NUDCD3: variants seen among roughly 807,000 people sequenced by gnomAD.
The protein encoded by NUDCD3 is nudC domain-containing protein 3.
A neutral mutation model predicts 39.7 loss-of-function variants in NUDCD3; 13 were observed. The ratio of observed to expected loss-of-function variants is 0.33; its 90% confidence interval spans 0.21 to 0.52. The LOEUF (loss-of-function observed/expected upper bound fraction) is 0.52. NUDCD3 is among the 20% of genes least tolerant of loss of function. The pLI is 0.96. For missense variants in NUDCD3, 453 were observed against 458.1 expected (o/e 0.99, Z 0.10); for synonymous variants, 175 against 172.4 (o/e 1.02, Z -0.12).
chr7:44,463,730 T>A (rs574609944), intron 2 of NUDCD3, among the ~76,000 whole-genome samples: 1 of 152,114 alleles, frequency 6.6e-6, no homozygotes, highest in African/African-American at 2.4e-5. Context: ...CCAAGAACAA[T>A]TGTTATCTCT....
chr7:44,438,885 A>C (rs975680717), intron 2 of NUDCD3, among the ~76,000 whole-genome samples: 1 of 152,206 alleles, frequency 6.6e-6, no homozygotes, highest in African/African-American at 2.4e-5. Flanking sequence ...ATTTCTCACT[A>C]TAACTACAGG....
rs1336143392 is a variant in NUDCD3 at position 44,383,050 on chromosome 7, G to A, written c.*2961C>T. ...CACACCCCTAGGTCCTGTCCCCAGG[G>A]GTGAGCAGGGTCAGAGGAGGCTGGA... is the stretch of plus-strand genomic sequence containing the variant. On this transcript the variant is annotated 3_prime_UTR_variant, in exon 6 of 6. Transcript: ENST00000355451. The A allele has an allele frequency of 6.6e-6, 1 of 152,386 alleles. No individual in the cohort carries two copies. The highest frequency in any genetic ancestry group is 1.5e-5 in the Non-Finnish European group (1 of 68,120). The allele number at this position is 152,386 out of a possible 1,614,324, so 9.4% of individuals were successfully genotyped here.
At chr7:44,427,130 T>G (rs2240100) in intron 3 of NUDCD3, among the ~76,000 whole-genome samples, 58,849 of 152,036 alleles carry the variant, frequency 0.39, 11,877 homozygotes, top group East Asian at 0.52. Context: ...GTGCGTTTAG[T>G]AGACTGGACT....
rs1039605849 is a variant in NUDCD3 at position 44,380,847 on chromosome 7, A to C, written c.*5164T>G. The C allele has an allele frequency of 1.3e-5, 2 of 152,258 alleles. No homozygotes were observed. The highest frequency in any genetic ancestry group is 4.8e-5 in the African/African-American group (2 of 41,456). 9.4% of individuals were successfully genotyped at this position (152,258 alleles called of 1,614,324 possible). A position where few individuals can be genotyped will look rare whatever the true frequency, so the allele number is the denominator to read the frequency against. On this transcript the variant is annotated 3_prime_UTR_variant, in exon 6 of 6. Coordinates refer to ENST00000355451, the MANE Select transcript of NUDCD3 (RefSeq NM_015332.4). Reference sequence around the variant, plus strand: ...TAGAGGGGCCTCCTCCAAACCCCACAGTGCCCCAACAACACTTCCTGTCCT... The same window carrying C: ...TAGAGGGGCCTCCTCCAAACCCCACCGTGCCCCAACAACACTTCCTGTCCT...
chr7:44,473,572 CT>C lies in NUDCD3; in HGVS notation c.509+11395del, dbSNP rs373180928. ...GACAAAGGCAACATTCACTGATGTG[CT>C]TTTGTCTGTGCATGTGTACTATATA... On this transcript the variant is annotated intron_variant, in intron 2 of 5. Transcript: ENST00000355451. Among the ~76,000 whole-genome samples, 547 of 152,210 alleles carry C rather than the reference CT, an allele frequency of 3.6e-3. 2 individuals carry two copies. Among genetic ancestry groups the C allele is most frequent in the African/African-American group, 0.013 (523 of 41,516 alleles).
intron 2 of NUDCD3, among the ~76,000 whole-genome samples, chr7:44,443,471 C>T (rs1056672974): frequency 1.2e-4 from 19 of 152,046 alleles, no homozygotes; most frequent in South Asian, 8.3e-4. Flanking sequence ...AGTGCAGTGG[C>T]GCCATCTTGG....
At chr7:44,445,647 A>G (rs572180295) in intron 2 of NUDCD3, among the ~76,000 whole-genome samples, 1 of 152,320 alleles carries the variant, frequency 6.6e-6, no homozygotes, top group Non-Finnish European at 1.5e-5. Flanking sequence ...GTGTGCACAC[A>G]GGTGTGCACA....
In NUDCD3 at chr7:44,441,153, T is replaced by G. The variant is rs1799576516; in HGVS notation, c.510-13450A>C. On this transcript the variant is annotated intron_variant, in intron 2 of 5. Coordinates refer to ENST00000355451, the MANE Select transcript of NUDCD3 (RefSeq NM_015332.4). ...TTCCCATTTGATTTATCTAGAAGGTTGTTATTTACTGCTCCTGCTGTTTTG... is the reference window on the plus strand; with the variant it reads ...TTCCCATTTGATTTATCTAGAAGGTGGTTATTTACTGCTCCTGCTGTTTTG... Among the ~76,000 whole-genome samples, 5 of 152,318 alleles carry G rather than the reference T, an allele frequency of 3.3e-5. No individual in the cohort carries two copies. In the South Asian group the frequency reaches 1.0e-3, roughly 32 times the overall value.
At chr7:44,442,904 G>A (rs1211014088) in intron 2 of NUDCD3, among the ~76,000 whole-genome samples, 15 of 151,852 alleles carry the variant, frequency 9.9e-5, no homozygotes, top group Admixed American at 2.6e-4. Context: ...GGGTTTCACC[G>A]TATTAGCCAG....
chr7:44,409,976 T>C (rs1346726923), intron 3 of NUDCD3, among the ~76,000 whole-genome samples: 1 of 151,926 alleles, frequency 6.6e-6, no homozygotes, highest in African/African-American at 2.4e-5. Context: ...ACAGGTCAAT[T>C]GAGATTACCC....
intron 3 of NUDCD3, among the ~76,000 whole-genome samples, chr7:44,425,317 T>A (rs549467065): frequency 5.9e-5 from 9 of 152,150 alleles, no homozygotes; most frequent in Non-Finnish European, 8.8e-5. Flanking sequence ...AATAAAAATT[T>A]AAAAAAAGAA....
At chr7:44,412,084 TC>T (rs1212490169) in intron 3 of NUDCD3, among the ~76,000 whole-genome samples, 2 of 152,240 alleles carry the variant, frequency 1.3e-5, no homozygotes, top group African/African-American at 4.8e-5. Flanking sequence ...ACCCTTAGGT[TC>T]TGATAAGAAC....
chr7:44,380,470 C>T lies in NUDCD3; in HGVS notation c.*5541G>A, dbSNP rs1480047132. 3 of 152,258 alleles carry T rather than the reference C, an allele frequency of 2.0e-5. No homozygotes were observed. The highest frequency in any genetic ancestry group is 2.9e-5 in the Non-Finnish European group (2 of 68,064). The allele number at this position is 152,258 out of a possible 1,614,324, so 9.4% of individuals were successfully genotyped here. A position where few individuals can be genotyped will look rare whatever the true frequency, so the allele number is the denominator to read the frequency against. On this transcript the variant is annotated 3_prime_UTR_variant, in exon 6 of 6. Coordinates refer to ENST00000355451, the MANE Select transcript of NUDCD3 (RefSeq NM_015332.4). ...CACTCAGGGGTGCTGGAATCTTCCC[C>T]ACCTTAAGGCTTAGCTCCAGTCTGT... is the stretch of plus-strand genomic sequence containing the variant.
intron 5 of NUDCD3, among the ~76,000 whole-genome samples, chr7:44,391,998 C>T (rs1462048972): frequency 6.6e-6 from 1 of 152,228 alleles, no homozygotes; most frequent in Non-Finnish European, 1.5e-5. Context: ...CATCAACACA[C>T]TTGATGTTAC....
chr7:44,480,458 A>C (rs1379651344), intron 2 of NUDCD3, among the ~76,000 whole-genome samples: 1 of 152,224 alleles, frequency 6.6e-6, no homozygotes, highest in Non-Finnish European at 1.5e-5. Flanking sequence ...ATTTGATATT[A>C]GACTATATAG....
At chr7:44,415,990 G>C (rs974582807) in intron 3 of NUDCD3, among the ~76,000 whole-genome samples, 2 of 151,900 alleles carry the variant, frequency 1.3e-5, no homozygotes, top group African/African-American at 4.8e-5. Flanking sequence ...AAATCCAAGA[G>C]ATACAAAATA....
intron 3 of NUDCD3, among the ~76,000 whole-genome samples, chr7:44,416,682 C>T (rs2116888497): frequency 6.6e-6 from 1 of 152,224 alleles, no homozygotes; most frequent in African/African-American, 2.4e-5. Context: ...CATAGATATA[C>T]CGTGTTAATA....
chr7:44,472,264 C>T (rs1428563051), intron 2 of NUDCD3, among the ~76,000 whole-genome samples: 1 of 152,124 alleles, frequency 6.6e-6, no homozygotes, highest in African/African-American at 2.4e-5. Context: ...TAAAATACTA[C>T]TATAAATAAG....
At chr7:44,450,203 A>G (rs1563180830) in intron 2 of NUDCD3, among the ~76,000 whole-genome samples, 1 of 150,936 alleles carries the variant, frequency 6.6e-6, no homozygotes, top group Non-Finnish European at 1.5e-5. Flanking sequence ...TTTGACACAG[A>G]GTCTCGCTTT....
Sources: gnomAD v4.1 joint callset for allele counts (sites outside exome capture counted in the v4.1 genomes callset) on GRCh38, gnomAD v4.1.1 for gene constraint, MANE v1.5 for transcripts, NCBI Gene and HGNC (gene_info 2026-07-23, HGNC 2026-07-21) for gene names.